The following CCDC91 variants were observed in gnomAD, a reference collection of about 807,000 sequenced individuals.
CCDC91 encodes the protein coiled-coil domain-containing protein 91.
CCDC91 carries 48 observed loss-of-function variants against 63.2 expected under a neutral mutation model. The observed-to-expected ratio is 0.76, with a 90% confidence interval of 0.60 to 0.97. The LOEUF (loss-of-function observed/expected upper bound fraction) is 0.97. CCDC91 is among the 50% of genes least tolerant of loss of function. The pLI, the probability that CCDC91 is intolerant of heterozygous loss-of-function variation, is 0.00. For missense variants in CCDC91, 500 were observed against 494.6 expected, an observed-to-expected ratio of 1.01 and a Z score of -0.10; for synonymous variants, 167 against 165.8, an observed-to-expected ratio of 1.01 and a Z score of -0.06.
intron 7 of CCDC91, among the ~76,000 whole-genome samples, chr12:28,375,747 C>T (rs568269071): frequency 6.6e-6 from 1 of 151,938 alleles, no homozygotes; most frequent in African/African-American, 2.4e-5. Flanking sequence ...TAAGAATTTT[C>T]CTTTACTTGT....
intron 1 of CCDC91, chr12:28,256,757 C>T (rs1375529105): frequency 6.5e-6 from 1 of 153,602 alleles, no homozygotes; most frequent in African/African-American, 2.4e-5. Flanking sequence ...TTTTGAAAAT[C>T]TAAATCAGCC....
intron 11 of CCDC91, among the ~76,000 whole-genome samples, chr12:28,471,332 A>C (rs1347797807): frequency 6.6e-6 from 1 of 152,202 alleles, no homozygotes; most frequent in Non-Finnish European, 1.5e-5. Flanking sequence ...ATTGTGTGTG[A>C]AGGTACAATA....
intron 3 of CCDC91, among the ~76,000 whole-genome samples, chr12:28,291,451 T>A (rs759239769): frequency 2.0e-5 from 3 of 152,164 alleles, no homozygotes; most frequent in Non-Finnish European, 4.4e-5. Flanking sequence ...TTTCAGTGCA[T>A]CTCATTGATT....
chr12:28,315,775 A>G (rs1229462509), intron 6 of CCDC91, among the ~76,000 whole-genome samples: 1 of 151,504 alleles, frequency 6.6e-6, no homozygotes, highest in Non-Finnish European at 1.5e-5. Flanking sequence ...ACATCCACCT[A>G]GTTCTTTTGT....
At chr12:28,413,009 G>T in intron 8 of CCDC91, 1 of 186,914 alleles carries the variant, frequency 5.4e-6, no homozygotes, top group Non-Finnish European at 1.1e-5. Flanking sequence ...ATATTAATAG[G>T]CTTTACTAAC....
chr12:28,341,571 C>T (rs1942426925), intron 6 of CCDC91, among the ~76,000 whole-genome samples: 1 of 152,316 alleles, frequency 6.6e-6, no homozygotes, highest in South Asian at 2.1e-4. Context: ...AACCTGATGT[C>T]TCCATAGGTT....
chr12:28,216,031 GTACT>G (rs1943541559), intron 1 of CCDC91, among the ~76,000 whole-genome samples: 1 of 152,050 alleles, frequency 6.6e-6, no homozygotes, highest in Non-Finnish European at 1.5e-5. Context: ...ATACTTAGTA[GTACT>G]TAATCGTTGT....
chr12:28,331,203 A>G (rs1243253812), intron 6 of CCDC91, among the ~76,000 whole-genome samples: 3 of 152,344 alleles, frequency 2.0e-5, no homozygotes, highest in Non-Finnish European at 4.4e-5. Context: ...ATAAAAACGG[A>G]TGGAACTACA....
intron 6 of CCDC91, among the ~76,000 whole-genome samples, chr12:28,352,557 C>G (rs984806444): frequency 2.6e-5 from 4 of 152,142 alleles, no homozygotes; most frequent in Non-Finnish European, 5.9e-5. Flanking sequence ...TTTGTTTGTT[C>G]CTAAGAAGCA....
chr12:28,497,097 C>T (rs976025699), intron 12 of CCDC91, among the ~76,000 whole-genome samples: 1 of 150,908 alleles, frequency 6.6e-6, no homozygotes, highest in African/African-American at 2.4e-5. Flanking sequence ...ACCAAGTTTA[C>T]TAAAAAAAGA....
At chr12:28,528,359 G>A (rs1279794256) in intron 12 of CCDC91, among the ~76,000 whole-genome samples, 7 of 152,172 alleles carry the variant, frequency 4.6e-5, no homozygotes, top group Non-Finnish European at 5.9e-5. Context: ...CTCAGTTCCA[G>A]TTAAGGTTAG....
chr12:28,298,046 A>AGTTTAACT (rs1949660721), intron 3 of CCDC91, among the ~76,000 whole-genome samples: 1 of 151,798 alleles, frequency 6.6e-6, no homozygotes, highest in Non-Finnish European at 1.5e-5. Context: ...CAAAAACTGT[A>AGTTTAACT]GAGGTTTAAC....
chr12:28,533,321 A>G lies in CCDC91; in HGVS notation c.1216-15742A>G, dbSNP rs376820201. Among the ~76,000 whole-genome samples the G allele has an allele frequency of 5.8e-4, 89 of 152,190 alleles. 1 individual carries two copies. The highest frequency in any genetic ancestry group is 3.4e-3 in the Middle Eastern group (1 of 294). On this transcript the variant is annotated intron_variant, in intron 12 of 12. Coordinates refer to ENST00000536442, the MANE Select transcript of CCDC91 (RefSeq NM_018318.5). ...CTGGCTTATTCACAGTCAAAACCAG[A>G]CACCTATAGTCTTAATTATGTGCAA...
At chr12:28,324,981 T>G (rs571814083) in intron 6 of CCDC91, among the ~76,000 whole-genome samples, 1 of 151,926 alleles carries the variant, frequency 6.6e-6, no homozygotes, top group Non-Finnish European at 1.5e-5. Context: ...AGCATAATAA[T>G]GAAGCATTCA....
intron 6 of CCDC91, among the ~76,000 whole-genome samples, chr12:28,344,416 G>A (rs893619088): frequency 6.6e-6 from 1 of 152,032 alleles, no homozygotes; most frequent in Non-Finnish European, 1.5e-5. Context: ...AAGTTTCCCT[G>A]TAGCAATGGG....
At chr12:28,491,551 A>G (rs1292789394) in intron 12 of CCDC91, among the ~76,000 whole-genome samples, 1 of 151,820 alleles carries the variant, frequency 6.6e-6, no homozygotes, top group Non-Finnish European at 1.5e-5. Context: ...ACTTAAGCCT[A>G]TGATGATCAG....
intron 1 of CCDC91, among the ~76,000 whole-genome samples, chr12:28,212,878 G>A (rs1357622421): frequency 6.6e-6 from 1 of 152,202 alleles, no homozygotes; most frequent in Non-Finnish European, 1.5e-5. Flanking sequence ...TATATTTCAA[G>A]TACCTGTACT....
intron 12 of CCDC91, among the ~76,000 whole-genome samples, chr12:28,494,408 G>C (rs1017953725): frequency 6.6e-6 from 1 of 151,716 alleles, no homozygotes; most frequent in African/African-American, 2.4e-5. Context: ...CTTAGTAGCA[G>C]GAGGTACAAG....
At chr12:28,269,846 A>T (rs1351774895) in intron 3 of CCDC91, among the ~76,000 whole-genome samples, 3 of 152,086 alleles carry the variant, frequency 2.0e-5, no homozygotes, top group Non-Finnish European at 4.4e-5. Context: ...AAATTTTACA[A>T]ACTAATTGCA....
Sources: allele counts gnomAD v4.1 joint callset (sites outside exome capture counted in the v4.1 genomes callset), GRCh38; gene constraint gnomAD v4.1.1; transcripts MANE v1.5; gene names NCBI Gene and HGNC (gene_info 2026-07-23, HGNC 2026-07-21).